The following SPRED3 variants were observed in gnomAD, a reference collection of about 807,000 sequenced individuals.
SPRED3 encodes the protein sprouty related EVH1 domain containing 3, also known as sprouty-related, EVH1 domain-containing protein 3.
SPRED3 carries 23 observed loss-of-function variants against 37.6 expected under a neutral mutation model. That is an observed-to-expected ratio of 0.61 (90% CI 0.44 to 0.87). The LOEUF (loss-of-function observed/expected upper bound fraction) is 0.87, where lower values mean the gene tolerates loss of function less well. SPRED3 is among the 40% of genes least tolerant of loss of function. The pLI is 0.00. For missense variants in SPRED3, 584 were observed against 618.6 expected, an observed-to-expected ratio of 0.94 and a Z score of 0.59; for synonymous variants, 302 against 279.6, an observed-to-expected ratio of 1.08 and a Z score of -0.80.
At chr19:38,390,129 A>G in intron 1 of SPRED3, 170 bp from the exon 2 acceptor site, 1 of 465,804 alleles carries the variant, frequency 2.1e-6, no homozygotes, top group Non-Finnish European at 3.6e-6. Flanking sequence ...AGCTGTGTGG[A>G]AGACGGTGGC....
intron 1 of SPRED3, chr19:38,389,618 A>G (rs1970799605): frequency 6.6e-6 from 1 of 151,874 alleles, no homozygotes; most frequent in African/African-American, 2.4e-5. Context: ...TGCTCTCTGG[A>G]TGTGTCTTCG....
chr19:38,397,930 G>A lies in SPRED3; in HGVS notation c.*1785G>A, dbSNP rs1422969807. On this transcript the variant is annotated 3_prime_UTR_variant, in exon 6 of 6. Transcript: ENST00000691638. ...AAAAAAAAAAAAAAGGACCAAGTAGGAGCTCCCTCACTGTCACGTCTAGGA... is the reference window on the plus strand; with the variant it reads ...AAAAAAAAAAAAAAGGACCAAGTAGAAGCTCCCTCACTGTCACGTCTAGGA... 6.7e-6 allele frequency: 1 copy of A among 149,298 alleles called. No individual in the cohort carries two copies. The highest frequency in any genetic ancestry group is 1.5e-5 in the Non-Finnish European group (1 of 68,002). 9.2% of individuals were successfully genotyped at this position (149,298 alleles called of 1,614,324 possible).
rs2145159880 is a variant in SPRED3 at position 38,395,386 on chromosome 19, A to C, written c.568-94A>C. On this transcript the variant is annotated intron_variant, in intron 5 of 5. Transcript: ENST00000691638. The surrounding 1 kb of genome is among the most constrained non-coding windows in gnomAD (Gnocchi z 5.2). ...AGAGAAGCAAGCTGGGGTCTTGAAA[A>C]TCTGAATCCCAGACCCAAGAGTGCG... 1 of 1,236,624 alleles carries C rather than the reference A, an allele frequency of 8.1e-7. No individual in the cohort carries two copies. Among genetic ancestry groups the C allele is most frequent in the Middle Eastern group, 2.0e-4 (1 of 5,056 alleles). 76.6% of individuals were successfully genotyped at this position (1,236,624 alleles called of 1,614,324 possible). A position where few individuals can be genotyped will look rare whatever the true frequency, so the allele number is the denominator to read the frequency against.
chr19:38,392,394 G>A (rs374988281), intron 4 of SPRED3, 106 bp downstream of exon 4: 19 of 1,279,450 alleles, frequency 1.5e-5, no homozygotes, highest in South Asian at 1.1e-4. Context: ...GCCACACACC[G>A]GGTACACAAA....
rs2145160750 is a variant in SPRED3 at position 38,395,730 on chromosome 19, G to A, written c.818G>A (p.Arg273His). ...GCTGCGCCCCCAGCGCCCCCCGCTC[G>A]CCCACCCCCCGGCCCGGGCCCATCC... ...TEAAPPAPPA[R>H]PPPGPGPSSA... is the part of the protein sequence containing the mutation. Residue 273 changes from arginine (R) to histidine (H), a missense_variant, in exon 6 of 6, where the codon CGC becomes CAC. Physicochemically the swap from Arg to His is conservative, Grantham distance 29 (BLOSUM62 0). Transcript: ENST00000691638. This position sits in a 1 kb window ranked among gnomAD's most constrained non-coding sequence, Gnocchi z 5.2. The A allele has an allele frequency of 1.4e-6, 2 of 1,438,516 alleles. No individual in the cohort carries two copies. Among genetic ancestry groups the A allele is most frequent in the South Asian group, 1.4e-5 (1 of 71,122 alleles). 89.1% of individuals were successfully genotyped at this position (1,438,516 alleles called of 1,614,324 possible).
At chr19:38,392,149 C>T in intron 3 of SPRED3, 35 bp downstream of exon 3, 1 of 1,609,804 alleles carries the variant, frequency 6.2e-7, no homozygotes, top group Non-Finnish European at 8.5e-7. Flanking sequence ...TGTGGGCTGG[C>T]CTGGGAGCGG....
At position 38,395,781 on chromosome 19, in the gene SPRED3, A is replaced by C. The variant is rs1291467689; in HGVS notation, c.869A>C (p.Glu290Ala). The change falls in exon 6 of 6, where the codon GAA becomes GCA. Residue 290 changes from glutamate to alanine, a missense_variant. This residue lies in a region of SPRED3 where 310 missense variants were observed against 281.1 expected (regional missense o/e 1.10). Coordinates refer to ENST00000691638, the MANE Select transcript of SPRED3 (RefSeq NM_001394336.1). The surrounding 1 kb of genome is among the most constrained non-coding windows in gnomAD (Gnocchi z 5.2). ...PSSAPAKASP[E>A]AEEAARCVHC... ...TCTGCGCCTGCCAAGGCCTCCCCGG[A>C]AGCGGAGGAGGCAGCGCGCTGCGTG... The C allele has an allele frequency of 1.4e-6, 2 of 1,461,740 alleles. No individual in the cohort carries two copies. Among genetic ancestry groups the C allele is most frequent in the African/African-American group, 1.5e-5 (1 of 67,724 alleles). The allele number at this position is 1,461,740 out of a possible 1,614,324, so 90.5% of individuals were successfully genotyped here. A position where few individuals can be genotyped will look rare whatever the true frequency, so the allele number is the denominator to read the frequency against.
At chr19:38,392,961 A>G (rs1970850947) in intron 4 of SPRED3, among the ~76,000 whole-genome samples, 1 of 152,092 alleles carries the variant, frequency 6.6e-6, no homozygotes, top group African/African-American at 2.4e-5. Context: ...CAGGGCTCCA[A>G]CTCACTCAAG....
At chr19:38,394,605 G>A in intron 4 of SPRED3, 38 bp from the exon 5 acceptor site, 1 of 1,568,690 alleles carries the variant, frequency 6.4e-7, no homozygotes, top group South Asian at 1.2e-5. Flanking sequence ...GGCTGTGCGG[G>A]GGCGTGTCCC....
At position 38,395,575 on chromosome 19, in the gene SPRED3, G is replaced by C; in HGVS notation, c.663G>C (p.Glu221Asp). The C allele has an allele frequency of 6.4e-7, 1 of 1,555,184 alleles. No individual in the cohort carries two copies. The highest frequency in any genetic ancestry group is 8.7e-7 in the Non-Finnish European group (1 of 1,153,942). Residue 221 changes from glutamate to aspartate, a missense_variant, in exon 6 of 6, where the codon GAG becomes GAC. Coordinates refer to ENST00000691638, the MANE Select transcript of SPRED3 (RefSeq NM_001394336.1). This position sits in a 1 kb window ranked among gnomAD's most constrained non-coding sequence, Gnocchi z 5.2. ...TGGGGTGGGGCGGCCGCGGCTACGAGGATTACCGGCGCTCCGGGCCACCCG... is the reference window on the plus strand; with the variant it reads ...TGGGGTGGGGCGGCCGCGGCTACGACGATTACCGGCGCTCCGGGCCACCCG... ...GGLGWGGRGY[E>D]DYRRSGPPAP...
chr19:38,388,920 G>C (rs933184749), intron 1 of SPRED3, 113 bp downstream of exon 1: 30 of 394,132 alleles, frequency 7.6e-5, no homozygotes, highest in Non-Finnish European at 1.2e-4. Context: ...CAAGGCCCCG[G>C]CTAGGAGGAC....
In SPRED3 at chr19:38,396,774, A is replaced by G. The variant is rs1317733053; in HGVS notation, c.*629A>G. 1 of 152,080 alleles carries G rather than the reference A, an allele frequency of 6.6e-6. No individual in the cohort carries two copies. The highest frequency in any genetic ancestry group is 6.6e-5 in the Admixed American group (1 of 15,258). The allele number at this position is 152,080 out of a possible 1,614,324, so 9.4% of individuals were successfully genotyped here. A position where few individuals can be genotyped will look rare whatever the true frequency, so the allele number is the denominator to read the frequency against. On this transcript the variant is annotated 3_prime_UTR_variant, in exon 6 of 6. Transcript: ENST00000691638. ...CTCTGTTATGCTCTGGAATCTCCAG[A>G]TGCTGCCCCTCAAATCTACCCACGA...
chr19:38,391,855 A>G, intron 2 of SPRED3, 91 bp from the exon 3 acceptor site: 1 of 1,464,098 alleles, frequency 6.8e-7, no homozygotes, highest in South Asian at 1.2e-5. Flanking sequence ...GTGAGAAGAC[A>G]CTAGGGTATG....
At chr19:38,388,830 G>T in intron 1 of SPRED3, 23 bp downstream of exon 1, 1 of 397,580 alleles carries the variant, frequency 2.5e-6, no homozygotes, top group Non-Finnish European at 4.4e-6. Context: ...GGGGGCGAGG[G>T]GGCGGGGGCT....
At chr19:38,394,211 G>A in intron 4 of SPRED3, 2 of 1,269,746 alleles carry the variant, frequency 1.6e-6, no homozygotes, top group Non-Finnish European at 2.1e-6. Context: ...CCCAATAACA[G>A]TGTGGGGCTG....
Position 38,398,265 on chromosome 19 carries a change from C to A in SPRED3, c.*2120C>A, listed in dbSNP as rs1970922145. 6.7e-6 allele frequency: 1 copy of A among 150,016 alleles called. No individual in the cohort carries two copies. Among genetic ancestry groups the A allele is most frequent in the Non-Finnish European group, 1.5e-5 (1 of 66,882 alleles). 9.3% of individuals were successfully genotyped at this position (150,016 alleles called of 1,614,324 possible). A position where few individuals can be genotyped will look rare whatever the true frequency, so the allele number is the denominator to read the frequency against. On this transcript the variant is annotated 3_prime_UTR_variant, in exon 6 of 6. Coordinates refer to ENST00000691638, the MANE Select transcript of SPRED3 (RefSeq NM_001394336.1). ...TTATTTATTTATTTTGAGACAGAGT[C>A]TCGCTGTATCACCCAGGCTGGAGTG...
chr19:38,394,836 G>C, intron 5 of SPRED3, 50 bp downstream of exon 5: 2 of 1,480,258 alleles, frequency 1.4e-6, no homozygotes, highest in Non-Finnish European at 1.8e-6. Context: ...GGTGCACTCG[G>C]GGCCCGAAGG....
chr19:38,399,334 C>T lies in SPRED3; in HGVS notation c.*3189C>T, dbSNP rs1278062861. The T allele has an allele frequency of 4.6e-5, 7 of 152,302 alleles. No homozygotes were observed. The highest frequency in any genetic ancestry group is 4.6e-4 in the Admixed American group (7 of 15,284). The allele number at this position is 152,302 out of a possible 1,614,324, so 9.4% of individuals were successfully genotyped here. A position where few individuals can be genotyped will look rare whatever the true frequency, so the allele number is the denominator to read the frequency against. ...GGGCCGCCCTGGGAGCCAGGCAGAC[C>T]TCAGACCCTGGAGCCCCCAGGCCCA... is the stretch of plus-strand genomic sequence containing the variant. On this transcript the variant is annotated 3_prime_UTR_variant, in exon 6 of 6. Transcript: ENST00000691638.
At position 38,389,439 on chromosome 19, in the gene SPRED3, T is replaced by C. The variant is rs1364650106; in HGVS notation, c.-5+632T>C. On this transcript the variant is annotated intron_variant, in intron 1 of 5. Coordinates refer to ENST00000691638, the MANE Select transcript of SPRED3 (RefSeq NM_001394336.1). ...TGATCCCGATTACTGGGCGGAGGGC[T>C]ACGTCCTCTGAGCTGGGGGGCGGGG... 2.2e-5 allele frequency among the ~76,000 whole-genome samples: 3 copies of C among 134,374 alleles called. No individual in the cohort carries two copies. In the Admixed American group the frequency reaches 2.4e-4, roughly 11 times the overall value. 88.2% of individuals were successfully genotyped at this position (134,374 alleles called of 152,430 possible).
Sources: allele counts gnomAD v4.1 joint callset (sites outside exome capture counted in the v4.1 genomes callset), GRCh38; gene constraint gnomAD v4.1.1; regional missense constraint gnomAD v4.1.1; non-coding constraint Gnocchi (gnomAD v3.1); transcripts MANE v1.5; gene names NCBI Gene and HGNC (gene_info 2026-07-23, HGNC 2026-07-21).